DAB1: variants seen among roughly 807,000 people sequenced by gnomAD.
DAB1 encodes DAB adaptor protein 1, also known as disabled homolog 1.
DAB1 carries 15 observed loss-of-function variants against 64.6 expected under a neutral mutation model. That is an observed-to-expected ratio of 0.23 (90% CI 0.16 to 0.36). The LOEUF (loss-of-function observed/expected upper bound fraction) is 0.36, where lower values mean the gene tolerates loss of function less well. DAB1 is among the 10% of genes least tolerant of loss of function. DAB1 has a pLI of 1.00. For missense variants in DAB1, 596 were observed against 706.7 expected (o/e 0.84, Z 1.78); for synonymous variants, 235 against 251.9 (o/e 0.93, Z 0.64).
intron 4 of DAB1, among the ~76,000 whole-genome samples, chr1:58,221,399 C>CA (rs1659163865): frequency 6.6e-6 from 1 of 152,152 alleles, no homozygotes; most frequent in Non-Finnish European, 1.5e-5. Flanking sequence ...TTCTTGGTAT[C>CA]AGCTTGTAAA....
chr1:57,846,627 C>T (rs1653300042), intron 1 of DAB1, among the ~76,000 whole-genome samples: 1 of 152,154 alleles, frequency 6.6e-6, no homozygotes, highest in African/African-American at 2.4e-5. Context: ...GAGGGAGACA[C>T]ATTACTGTTC....
chr1:58,333,053 G>A (rs1300264308), intron 4 of DAB1, among the ~76,000 whole-genome samples: 1 of 152,166 alleles, frequency 6.6e-6, no homozygotes, highest in East Asian at 1.9e-4. Context: ...GGGATTACAG[G>A]CGTGTGCCAC....
intron 3 of DAB1, among the ~76,000 whole-genome samples, chr1:58,497,146 G>A (rs963087213): frequency 2.0e-5 from 3 of 152,118 alleles, no homozygotes; most frequent in African/African-American, 4.8e-5. Flanking sequence ...GAAATACCAC[G>A]AAGAAGCAAT....
chr1:58,224,109 C>A (rs1306855659), intron 4 of DAB1, among the ~76,000 whole-genome samples: 1 of 152,194 alleles, frequency 6.6e-6, no homozygotes, highest in Non-Finnish European at 1.5e-5. Context: ...GGGTATGAGG[C>A]AACAAGCCTA....
At chr1:57,754,243 C>T (rs1648687984) in intron 6 of DAB1, among the ~76,000 whole-genome samples, 1 of 152,206 alleles carries the variant, frequency 6.6e-6, no homozygotes. Flanking sequence ...GCATTATATG[C>T]CTGGCCCCTG....
At chr1:57,732,385 ACGG>A (rs1257103686) in intron 6 of DAB1, among the ~76,000 whole-genome samples, 1 of 152,114 alleles carries the variant, frequency 6.6e-6, no homozygotes, top group Non-Finnish European at 1.5e-5. Context: ...GTAGGGAGAG[ACGG>A]CTAAGTGTCA....
rs369919969 is a variant in DAB1 at position 57,379,499 on chromosome 1, T to C, written c.-137+44431A>G. On this transcript the variant is annotated intron_variant, in intron 1 of 14. Coordinates refer to ENST00000371236, the MANE Select transcript of DAB1 (RefSeq NM_001365792.1). ...CACAGGCAGGTTTGCTATGAACATT[T>C]GTTAGAATAAAGGTAAACTGGGTAA... Among the ~76,000 whole-genome samples the C allele has an allele frequency of 6.6e-4, 100 of 152,304 alleles. 1 individual carries two copies. The South Asian group carries it at 0.017, about 27-fold the overall frequency.
chr1:58,411,071 T>C (rs1644663134), intron 3 of DAB1, among the ~76,000 whole-genome samples: 1 of 152,216 alleles, frequency 6.6e-6, no homozygotes, highest in African/African-American at 2.4e-5. Context: ...TCTACCACAG[T>C]GATATCCCTC....
chr1:57,882,748 T>C (rs1396626605), intron 1 of DAB1, among the ~76,000 whole-genome samples: 1 of 152,110 alleles, frequency 6.6e-6, no homozygotes, highest in Admixed American at 6.5e-5. Context: ...TAATAAAACC[T>C]CACTCAGCAA....
intron 3 of DAB1, among the ~76,000 whole-genome samples, chr1:58,487,024 G>T (rs184392703): frequency 3.9e-5 from 6 of 152,320 alleles, no homozygotes; most frequent in Admixed American, 3.3e-4. Context: ...TTTAACCAAG[G>T]AAAGGACATT....
At chr1:57,833,641 A>T (rs566335154) in intron 1 of DAB1, among the ~76,000 whole-genome samples, 6 of 152,256 alleles carry the variant, frequency 3.9e-5, no homozygotes, top group Non-Finnish European at 7.3e-5. Context: ...TAATAAATAA[A>T]TAAAAATAGT....
chr1:57,637,432 C>T (rs1646070449), intron 7 of DAB1, among the ~76,000 whole-genome samples: 1 of 152,166 alleles, frequency 6.6e-6, no homozygotes. Context: ...CCAGAGGAGG[C>T]ACCAGCTGAT....
chr1:58,186,777 T>C (rs374520285), intron 4 of DAB1, among the ~76,000 whole-genome samples: 3 of 152,196 alleles, frequency 2.0e-5, no homozygotes, highest in Non-Finnish European at 2.9e-5. Context: ...CTGGCTTTGG[T>C]TGACGGAATT....
At chr1:57,208,036 T>C (rs1665731618) in intron 2 of DAB1, among the ~76,000 whole-genome samples, 1 of 152,100 alleles carries the variant, frequency 6.6e-6, no homozygotes, top group Non-Finnish European at 1.5e-5. Context: ...GAAATAAGGA[T>C]TGTAATGCAA....
intron 4 of DAB1, among the ~76,000 whole-genome samples, chr1:58,233,619 T>C (rs1239613415): frequency 6.6e-6 from 1 of 152,158 alleles, no homozygotes; most frequent in Non-Finnish European, 1.5e-5. Flanking sequence ...TGTAATTGTA[T>C]AAGGAAATAG....
At position 57,012,072 on chromosome 1, in the gene DAB1, A is replaced by G. The variant is rs181476967; in HGVS notation, c.1445-800T>C. Among the ~76,000 whole-genome samples, 342 of 152,310 alleles carry G rather than the reference A, an allele frequency of 2.2e-3. 8 individuals carry two copies. The highest frequency in any genetic ancestry group is 0.018 in the Admixed American group (274 of 15,296). ...AGGTTTAGAACAAATATGCCATTTG[A>G]TACCACTCTTCTTTTAATAAATTCT... On this transcript the variant is annotated intron_variant, in intron 12 of 14. Coordinates refer to ENST00000371236, the MANE Select transcript of DAB1 (RefSeq NM_001365792.1).
At chr1:57,215,770 A>AC (rs1666378917) in intron 2 of DAB1, among the ~76,000 whole-genome samples, 1 of 152,106 alleles carries the variant, frequency 6.6e-6, no homozygotes, top group African/African-American at 2.4e-5. Context: ...TTTCTTATCC[A>AC]CTTTTTTCCT....
intron 4 of DAB1, among the ~76,000 whole-genome samples, chr1:58,319,686 C>T (rs1379555124): frequency 1.3e-5 from 2 of 152,106 alleles, no homozygotes; most frequent in Non-Finnish European, 2.9e-5. Context: ...TTGATTTGCC[C>T]CACTTGGGTC....
intron 6 of DAB1, among the ~76,000 whole-genome samples, chr1:57,791,087 T>G (rs922898393): frequency 1.3e-5 from 2 of 152,218 alleles, no homozygotes; most frequent in African/African-American, 4.8e-5. Flanking sequence ...TGTAGGATTC[T>G]GTGAAAAATA....
Sources: allele counts gnomAD v4.1 joint callset (sites outside exome capture counted in the v4.1 genomes callset), GRCh38; gene constraint gnomAD v4.1.1; transcripts MANE v1.5; gene names NCBI Gene and HGNC (gene_info 2026-07-23, HGNC 2026-07-21).